The following PRKAR1A variants were observed in gnomAD, a reference collection of about 807,000 sequenced individuals.
PRKAR1A encodes cAMP-dependent protein kinase type I-alpha regulatory subunit.
Under a neutral mutation model 52.0 loss-of-function variants are expected in PRKAR1A, and 3 were observed. The ratio of observed to expected loss-of-function variants is 0.06; its 90% CI spans 0.03 to 0.15. The LOEUF is 0.15. Among genes scored for constraint, PRKAR1A ranks in the 10% least tolerant of loss-of-function variants. The pLI is 1.00. For synonymous variants in PRKAR1A, 188 were observed against 168.4 expected (o/e 1.12, Z -0.90); for missense variants, 240 against 477.4 (o/e 0.50, Z 4.63).
the PRKAR1A span, among the ~76,000 whole-genome samples, chr17:68,469,756 A>G: frequency 3.3e-5 from 5 of 152,310 alleles, no homozygotes; most frequent in East Asian, 5.8e-4. Context: ...TTTTGTTTGT[A>G]TGGATTATAT....
At chr17:68,474,484 T>C in the PRKAR1A span, among the ~76,000 whole-genome samples, 2 of 152,098 alleles carry the variant, frequency 1.3e-5, no homozygotes, top group Non-Finnish European at 1.5e-5. Context: ...ATGTCACACA[T>C]AGTGAGAAGT....
chr17:68,416,618 G>A, the PRKAR1A span, among the ~76,000 whole-genome samples: 1 of 152,050 alleles, frequency 6.6e-6, no homozygotes, highest in African/African-American at 2.4e-5. Context: ...CTTAGATTTG[G>A]TCGTTTAACA....
the PRKAR1A span, among the ~76,000 whole-genome samples, chr17:68,434,396 A>G: frequency 6.6e-6 from 1 of 152,204 alleles, no homozygotes; most frequent in South Asian, 2.1e-4. Context: ...GCTGAGCCCT[A>G]AGTAAAGCCT....
intron 11 of PRKAR1A, among the ~76,000 whole-genome samples, chr17:68,549,167 C>T (rs2143622792): frequency 6.6e-6 from 1 of 152,312 alleles, no homozygotes; most frequent in African/African-American, 2.4e-5. Flanking sequence ...GAGTGGAGCT[C>T]ATCCATTGCA....
chr17:68,529,855 G>GT, intron 9 of PRKAR1A, 65 bp from the exon 10 acceptor site: 1 of 1,488,510 alleles, frequency 6.7e-7, no homozygotes, highest in Non-Finnish European at 9.4e-7. Context: ...TGCATAGGAT[G>GT]TTTAAGGTGC....
chr17:68,415,981 T>A, the PRKAR1A span, among the ~76,000 whole-genome samples: 1 of 152,210 alleles, frequency 6.6e-6, no homozygotes, highest in African/African-American at 2.4e-5. Context: ...TGTTTTGTAT[T>A]TTTTTAAGTG....
intron 11 of PRKAR1A, chr17:68,540,993 C>T: frequency 6.4e-7 from 1 of 1,556,078 alleles, no homozygotes; most frequent in Non-Finnish European, 8.7e-7. Flanking sequence ...GCTGGAAAAG[C>T]CAAGATGGCA....
At chr17:68,509,955 G>A (rs2085241234), upstream of PRKAR1A, among the ~76,000 whole-genome samples, 1 of 152,168 alleles carries the variant, frequency 6.6e-6, no homozygotes, top group African/African-American at 2.4e-5. Context: ...AAAGTGCTCA[G>A]CTCAATGTCA....
At chr17:68,462,531 GATC>G in the PRKAR1A span, among the ~76,000 whole-genome samples, 1 of 152,212 alleles carries the variant, frequency 6.6e-6, no homozygotes, top group Non-Finnish European at 1.5e-5. Context: ...GAGCGTCATA[GATC>G]TTCTCATGTG....
chr17:68,431,070 C>A, the PRKAR1A span, among the ~76,000 whole-genome samples: 424 of 152,322 alleles, frequency 2.8e-3, 5 homozygotes, highest in African/African-American at 9.8e-3. Flanking sequence ...CATCCTTGTA[C>A]TGTCTGTCCC....
At chr17:68,425,329 G>A in the PRKAR1A span, among the ~76,000 whole-genome samples, 4 of 151,756 alleles carry the variant, frequency 2.6e-5, no homozygotes, top group Admixed American at 1.3e-4. Context: ...TCAGCGTCCC[G>A]AATAGCTGGG....
At chr17:68,432,209 C>T in the PRKAR1A span, among the ~76,000 whole-genome samples, 4 of 152,240 alleles carry the variant, frequency 2.6e-5, no homozygotes, top group Non-Finnish European at 4.4e-5. Context: ...TCATACACCA[C>T]TGGGGGTGGG....
At chr17:68,523,885 T>C in intron 4 of PRKAR1A, 69 bp downstream of exon 4, 5 of 1,583,564 alleles carry the variant, frequency 3.2e-6, no homozygotes, top group Non-Finnish European at 4.3e-6. Flanking sequence ...TTTCAACACT[T>C]GTTGCAAGTT....
the PRKAR1A span, chr17:68,424,350 G>A: frequency 2.0e-6 from 1 of 492,890 alleles, no homozygotes; most frequent in South Asian, 1.5e-5. Flanking sequence ...CCTGCATGCA[G>A]GGCCCCACCG....
chr17:68,534,629 A>G (rs920671257), downstream of PRKAR1A, among the ~76,000 whole-genome samples: 3 of 147,292 alleles, frequency 2.0e-5, no homozygotes, highest in African/African-American at 7.6e-5. Context: ...AAAAGCCCCT[A>G]AGTGTAGTGA....
At chr17:68,426,060 G>T in the PRKAR1A span, 1 of 1,610,762 alleles carries the variant, frequency 6.2e-7, no homozygotes. Flanking sequence ...CCAGTTACGG[G>T]TTCCTAATGC....
In PRKAR1A at chr17:68,531,014, T is replaced by G. The variant is rs2085960465; in HGVS notation, c.*565T>G. ...ATTTTTGCTAATTATCAATGGGATA[T>G]GATTGGTTCAGTTTTTTTTTTTCCA... On this transcript the variant is annotated 3_prime_UTR_variant, in exon 11 of 11. Transcript: ENST00000589228. 9.4e-7 allele frequency: 1 copy of G among 1,067,824 alleles called. No individual in the cohort carries two copies. The highest frequency in any genetic ancestry group is 1.1e-6 in the Non-Finnish European group (1 of 881,484). The allele number at this position is 1,067,824 out of a possible 1,614,324, so 66.1% of individuals were successfully genotyped here.
intron 9 of PRKAR1A, 135 bp from the exon 10 acceptor site, chr17:68,529,785 T>C: frequency 1.2e-6 from 1 of 849,844 alleles, no homozygotes; most frequent in Non-Finnish European, 2.0e-6. Flanking sequence ...GAAGCTCATG[T>C]GGTGACTAAC....
upstream of PRKAR1A, among the ~76,000 whole-genome samples, chr17:68,508,172 A>T (rs2085221067): frequency 6.6e-6 from 1 of 152,184 alleles, no homozygotes; most frequent in South Asian, 2.1e-4. Flanking sequence ...TGCCCTGCAG[A>T]TTTTGGACTG....
Sources: gnomAD v4.1 joint callset for allele counts (sites outside exome capture counted in the v4.1 genomes callset) on GRCh38, gnomAD v4.1.1 for gene constraint, MANE v1.5 for transcripts, NCBI Gene and HGNC (gene_info 2026-07-23, HGNC 2026-07-21) for gene names.